Variants in ITGAE observed in about 807,000 individuals in gnomAD.
ITGAE encodes the protein integrin subunit alpha E.
In ITGAE, 99 loss-of-function variants were observed where a neutral mutation model predicts 136.5. The ratio of observed to expected loss-of-function variants is 0.73; its 90% CI spans 0.62 to 0.86. The LOEUF (loss-of-function observed/expected upper bound fraction) is 0.86. Among genes scored for constraint, ITGAE ranks in the 40% least tolerant of loss-of-function variants. ITGAE has a pLI of 0.00. For missense variants in ITGAE, 1,447 were observed against 1,515.3 expected, an observed-to-expected ratio of 0.95 and a Z score of 0.75; for synonymous variants, 613 against 591.8, an observed-to-expected ratio of 1.04 and a Z score of -0.52.
chr17:3,781,876 C>G (rs993756197), intron 1 of ITGAE, among the ~76,000 whole-genome samples: 1 of 152,118 alleles, frequency 6.6e-6, no homozygotes, highest in Non-Finnish European at 1.5e-5. Context: ...CTCTGCCCCA[C>G]TGACCTCATC....
chr17:3,720,367 A>G lies in ITGAE; in HGVS notation c.3273T>C (p.Gly1091=). 2.5e-6 allele frequency: 4 copies of G among 1,580,750 alleles called. No homozygotes were observed. Among genetic ancestry groups the G allele is most frequent in the Non-Finnish European group, 3.5e-6 (4 of 1,149,622 alleles). ...ATAGAGATTTGTTGAAAGATATTTCACCAAGGATCTGCAGTTCAGTTACAT... is the reference window on the plus strand; with the variant it reads ...ATAGAGATTTGTTGAAAGATATTTCGCCAAGGATCTGCAGTTCAGTTACAT... ...LKDVTELQIL[G]EISFNKSLYE... The change falls in exon 29 of 31, where the codon GGT becomes GGC. Residue 1091 remains glycine (G), a synonymous_variant. Coordinates refer to ENST00000263087, the MANE Select transcript of ITGAE (RefSeq NM_002208.5).
chr17:3,780,405 C>T (rs1041299553), intron 1 of ITGAE, among the ~76,000 whole-genome samples: 11 of 152,018 alleles, frequency 7.2e-5, no homozygotes, highest in African/African-American at 1.4e-4. Context: ...CCTCGTGATC[C>T]GCCCACCTCG....
intron 24 of ITGAE, 146 bp downstream of exon 24, chr17:3,729,332 A>G (rs2051289087): frequency 1.5e-6 from 1 of 671,546 alleles, no homozygotes; most frequent in Non-Finnish European, 2.8e-6. Flanking sequence ...AGAGATCAAT[A>G]TCAGAGCCTG....
intron 1 of ITGAE, among the ~76,000 whole-genome samples, chr17:3,793,881 C>T (rs1231524919): frequency 6.6e-6 from 1 of 151,640 alleles, no homozygotes; most frequent in African/African-American, 2.4e-5. Context: ...TGGAGCCCTT[C>T]CTGATCCCCT....
chr17:3,746,024 G>A (rs919299092), intron 17 of ITGAE, 97 bp from the exon 18 acceptor site: 2 of 1,112,688 alleles, frequency 1.8e-6, no homozygotes, highest in Non-Finnish European at 2.6e-6. Context: ...GGCCCCTCCT[G>A]AACAGTGTCC....
chr17:3,717,623 C>T (rs749400972), intron 29 of ITGAE: 5 of 152,190 alleles, frequency 3.3e-5, no homozygotes, highest in African/African-American at 4.8e-5. Flanking sequence ...CAACCCTTCA[C>T]GTGTATGTTT....
At chr17:3,787,542 G>A (rs531029508) in intron 1 of ITGAE, among the ~76,000 whole-genome samples, 13 of 152,178 alleles carry the variant, frequency 8.5e-5, no homozygotes, top group Non-Finnish European at 1.8e-4. Flanking sequence ...CCAGGTGTGA[G>A]CCACTGTGTC....
intron 19 of ITGAE, among the ~76,000 whole-genome samples, chr17:3,742,088 C>G (rs949929760): frequency 2.0e-5 from 3 of 152,114 alleles, no homozygotes; most frequent in African/African-American, 7.2e-5. Context: ...AAAAACAAAA[C>G]AAAAATGTAT....
At chr17:3,790,507 AACAAAC>A (rs1392351958) in intron 1 of ITGAE, among the ~76,000 whole-genome samples, 4 of 124,398 alleles carry the variant, frequency 3.2e-5, no homozygotes, top group African/African-American at 8.7e-5. Flanking sequence ...CTCCGTCTCA[AACAAAC>A]ACACACACAC....
At chr17:3,738,540 T>G (rs2051512697) in intron 20 of ITGAE, among the ~76,000 whole-genome samples, 4 of 152,186 alleles carry the variant, frequency 2.6e-5, no homozygotes, top group Non-Finnish European at 5.9e-5. Flanking sequence ...CATTCTGGAA[T>G]TCAGTGTGGT....
At chr17:3,720,872 C>T (rs918909451) in intron 28 of ITGAE, among the ~76,000 whole-genome samples, 4 of 152,116 alleles carry the variant, frequency 2.6e-5, no homozygotes, top group Admixed American at 6.6e-5. Flanking sequence ...CGTGAGCTGC[C>T]GCGCCTGGCC....
At chr17:3,734,236 A>G in intron 21 of ITGAE, among the ~76,000 whole-genome samples, 1 of 60,680 alleles carries the variant, frequency 1.6e-5, no homozygotes. Context: ...GCGCCCAGCT[A>G]ATTTTTTTTT....
chr17:3,724,025 A>G (rs916028366), intron 26 of ITGAE: 1 of 1,590,868 alleles, frequency 6.3e-7, no homozygotes, highest in African/African-American at 1.3e-5. Flanking sequence ...CGGGCCGGGA[A>G]GCCGCGCAGT....
intron 16 of ITGAE, 23 bp downstream of exon 16, chr17:3,750,329 C>T: frequency 6.2e-7 from 1 of 1,612,964 alleles, no homozygotes; most frequent in East Asian, 2.2e-5. Flanking sequence ...CCTGGGACCC[C>T]AGAAAGCAGG....
intron 17 of ITGAE, among the ~76,000 whole-genome samples, chr17:3,747,560 T>C (rs751275173): frequency 9.9e-5 from 15 of 151,892 alleles, no homozygotes; most frequent in Admixed American, 2.0e-4. Context: ...CTGCCCGCCT[T>C]GGCCTCCCAA....
At position 3,714,824 on chromosome 17, in the gene ITGAE, C is replaced by A. The variant is rs765931746; in HGVS notation, c.*23G>T. On this transcript the variant is annotated 3_prime_UTR_variant, in exon 31 of 31. Coordinates refer to ENST00000263087, the MANE Select transcript of ITGAE (RefSeq NM_002208.5). ...TCCAAGTCCCAGGACTGGCTGATAG[C>A]CTCTCCCAGTGGATAGCAGGTCCTA... The A allele has an allele frequency of 2.1e-6, 3 of 1,420,532 alleles. No homozygotes were observed. The Admixed American group carries it at 5.1e-5, about 24-fold the overall frequency. 88.0% of individuals were successfully genotyped at this position (1,420,532 alleles called of 1,614,324 possible).
At chr17:3,795,678 GCTCA>G (rs1462649382) in intron 1 of ITGAE, among the ~76,000 whole-genome samples, 1 of 152,252 alleles carries the variant, frequency 6.6e-6, no homozygotes, top group Non-Finnish European at 1.5e-5. Context: ...CCGTGCGGCG[GCTCA>G]CTGAGCTGGA....
chr17:3,753,730 G>T, intron 13 of ITGAE, 53 bp downstream of exon 13: 2 of 1,601,644 alleles, frequency 1.2e-6, no homozygotes, highest in South Asian at 1.1e-5. Context: ...TCCCTTGGGG[G>T]CCTCCAGATT....
Position 3,799,091 on chromosome 17 carries a change from G to A in ITGAE, c.34+2020C>T, listed in dbSNP as rs1203752338. Among the ~76,000 whole-genome samples the A allele has an allele frequency of 6.6e-6, 1 of 152,130 alleles. No homozygotes were observed. The highest frequency in any genetic ancestry group is 6.5e-5 in the Admixed American group (1 of 15,280). On this transcript the variant is annotated intron_variant, in intron 1 of 30. Coordinates refer to ENST00000263087, the MANE Select transcript of ITGAE (RefSeq NM_002208.5). The surrounding 1 kb of genome is among the most constrained non-coding windows in gnomAD (Gnocchi z 4.1). ...ACCCGGCACAGGGTACAGGGTGCTGGGCCTGGAGCCACAGTCTGAGGGAGT... is the reference window on the plus strand; with the variant it reads ...ACCCGGCACAGGGTACAGGGTGCTGAGCCTGGAGCCACAGTCTGAGGGAGT...
Sources: allele counts gnomAD v4.1 joint callset (sites outside exome capture counted in the v4.1 genomes callset), GRCh38; gene constraint gnomAD v4.1.1; non-coding constraint Gnocchi (gnomAD v3.1); transcripts MANE v1.5; gene names NCBI Gene and HGNC (gene_info 2026-07-23, HGNC 2026-07-21).